The following KCNE3 variants were observed in gnomAD, a reference collection of about 807,000 sequenced individuals.
KCNE3 encodes potassium voltage-gated channel subfamily E regulatory subunit 3.
KCNE3 carries 2 observed loss-of-function variants against 4.3 expected under a neutral mutation model. That is an observed-to-expected ratio of 0.47 (90% confidence interval 0.19 to 1.48). The LOEUF (loss-of-function observed/expected upper bound fraction) is 1.48, where lower values mean the gene tolerates loss of function less well. Ranked by LOEUF, KCNE3 falls within the 40% of genes most tolerant of loss-of-function variation. KCNE3 has a pLI of 0.25. For missense variants in KCNE3, 128 were observed against 136.8 expected (o/e 0.94, Z 0.32); for synonymous variants, 47 against 52.0 (o/e 0.90, Z 0.41).
At chr11:74,460,638 C>G (rs58116543) in intron 2 of KCNE3, among the ~76,000 whole-genome samples, 2,346 of 152,198 alleles carry the variant, frequency 0.015, 60 homozygotes, top group African/African-American at 0.054. Context: ...TGGAAAGTAG[C>G]ATAAAGAGGT....
chr11:74,459,327 T>A (rs2135008383), intron 2 of KCNE3, among the ~76,000 whole-genome samples: 1 of 136,082 alleles, frequency 7.3e-6, no homozygotes, highest in Admixed American at 8.6e-5. Flanking sequence ...AGTGGCGCAA[T>A]CTCGGCTCAC....
chr11:74,455,187 G>A lies in KCNE3; in HGVS notation c.*2065C>T, dbSNP rs1863781850. The A allele has an allele frequency of 6.6e-6, 1 of 152,070 alleles. No homozygotes were observed. The highest frequency in any genetic ancestry group is 1.5e-5 in the Non-Finnish European group (1 of 68,030). The allele number at this position is 152,070 out of a possible 1,614,324, so 9.4% of individuals were successfully genotyped here. On this transcript the variant is annotated 3_prime_UTR_variant, in exon 3 of 3. Coordinates refer to ENST00000310128, the MANE Select transcript of KCNE3 (RefSeq NM_005472.5). ...CAAATATTACATAAATTTATCATGC[G>A]GAAAGGGAAAATCACCTATAACCCA...
rs1261508948 is a variant in KCNE3 at position 74,467,203 on chromosome 11, A to T, written c.-190+195T>A. The stretch of plus-strand genomic sequence containing the variant: ...CCCTACTCCCACATGCTGCTCCACG[A>T]TCACTGCGCTCGGGAGGATCGGGGA... On this transcript the variant is annotated intron_variant, in intron 1 of 2. Coordinates refer to ENST00000310128, the MANE Select transcript of KCNE3 (RefSeq NM_005472.5). This position sits in a 1 kb window ranked among gnomAD's most constrained non-coding sequence, Gnocchi z 4.4. Among the ~76,000 whole-genome samples, 1 of 151,350 alleles carries T rather than the reference A, an allele frequency of 6.6e-6. No individual in the cohort carries two copies. The highest frequency in any genetic ancestry group is 1.5e-5 in the Non-Finnish European group (1 of 67,996).
At chr11:74,464,822 C>T (rs2135019653) in intron 1 of KCNE3, among the ~76,000 whole-genome samples, 2 of 152,372 alleles carry the variant, frequency 1.3e-5, no homozygotes, top group East Asian at 3.9e-4. Context: ...GTGGCCTGCA[C>T]CCATGACACT....
intron 2 of KCNE3, among the ~76,000 whole-genome samples, chr11:74,459,871 G>A (rs912216927): frequency 6.6e-6 from 1 of 152,170 alleles, no homozygotes; most frequent in African/African-American, 2.4e-5. Context: ...GCACTACCTT[G>A]AGACTGGCTG....
Position 74,455,359 on chromosome 11 carries a change from G to A in KCNE3, c.*1893C>T, listed in dbSNP as rs1160279629. The A allele has an allele frequency of 1.3e-5, 2 of 152,312 alleles. No individual in the cohort carries two copies. Among genetic ancestry groups the A allele is most frequent in the East Asian group, 1.9e-4 (1 of 5,182 alleles). The allele number at this position is 152,312 out of a possible 1,614,324, so 9.4% of individuals were successfully genotyped here. A position where few individuals can be genotyped will look rare whatever the true frequency, so the allele number is the denominator to read the frequency against. ...CAGAACAGTGGATGGTTCTAGCTGA[G>A]ATCTGGGATAGTTTCTGAATTCAGA... is the stretch of plus-strand genomic sequence containing the variant. On this transcript the variant is annotated 3_prime_UTR_variant, in exon 3 of 3. Transcript: ENST00000310128.
rs1343338331 is a variant in KCNE3, at chr11:74,455,731, T to C, written c.*1521A>G. 1 of 121,818 alleles carries C rather than the reference T, an allele frequency of 8.2e-6. No homozygotes were observed. The highest frequency in any genetic ancestry group is 1.6e-5 in the Non-Finnish European group (1 of 63,758). 7.5% of individuals were successfully genotyped at this position (121,818 alleles called of 1,614,324 possible). A position where few individuals can be genotyped will look rare whatever the true frequency, so the allele number is the denominator to read the frequency against. On this transcript the variant is annotated 3_prime_UTR_variant, in exon 3 of 3. Transcript: ENST00000310128. ...GCGATATCAGTCTTTTTTGTTTTTG[T>C]TTTTGTTTTTTTTTGAGACAGAGCC...
rs1863848759 is a variant in KCNE3, at chr11:74,457,469, CG to C, written c.94del (p.Arg32GlyfsTer39). 1.2e-6 allele frequency: 2 copies of C among 1,614,022 alleles called. No homozygotes were observed. Among genetic ancestry groups the C allele is most frequent in the South Asian group, 2.2e-5 (2 of 91,092 alleles). On this transcript the variant is annotated frameshift_variant, in exon 3 of 3. Coordinates refer to ENST00000310128, the MANE Select transcript of KCNE3 (RefSeq NM_005472.5). LOFTEE classifies it high-confidence loss of function. ...GTCTGGCCCCAGCCCTGGCCCTGGC[CG>C]GCAGAGCAAATTGCTGTGAAGAGTG... Reference protein sequence around the residue: ...NATLHSNLLCRPGPGLGPDNQ... With the variant: ...NATLHSNLLCXPGPGLGPDNQ...
rs973100436 is a variant in KCNE3 at position 74,454,920 on chromosome 11, C to T, written c.*2332G>A. On this transcript the variant is annotated 3_prime_UTR_variant, in exon 3 of 3. Coordinates refer to ENST00000310128, the MANE Select transcript of KCNE3 (RefSeq NM_005472.5). ...CCACGTAAATTTCTGAATCTGTTGT[C>T]TTCCCATATGTCACATCTCCTTAAG... The T allele has an allele frequency of 6.6e-6, 1 of 152,128 alleles. No individual in the cohort carries two copies. Among genetic ancestry groups the T allele is most frequent in the Non-Finnish European group, 1.5e-5 (1 of 68,034 alleles). The allele number at this position is 152,128 out of a possible 1,614,324, so 9.4% of individuals were successfully genotyped here. A position where few individuals can be genotyped will look rare whatever the true frequency, so the allele number is the denominator to read the frequency against.
rs1864087755 is a variant in KCNE3 at position 74,467,488 on chromosome 11, A to C, written c.-280T>G. The C allele has an allele frequency of 6.5e-6, 1 of 152,690 alleles. No individual in the cohort carries two copies. The highest frequency in any genetic ancestry group is 6.5e-5 in the Admixed American group (1 of 15,286). The allele number at this position is 152,690 out of a possible 1,614,324, so 9.5% of individuals were successfully genotyped here. Reference sequence around the variant, plus strand: ...TGGCCCAAGCGCTGCGACCCTGTGCATTCCACCAGCCCCGTTCCACTCCGC... The same window carrying C: ...TGGCCCAAGCGCTGCGACCCTGTGCCTTCCACCAGCCCCGTTCCACTCCGC... On this transcript the variant is annotated 5_prime_UTR_variant, in exon 1 of 3. An upstream start codon of the reference 5' UTR is lost. Coordinates refer to ENST00000310128, the MANE Select transcript of KCNE3 (RefSeq NM_005472.5). The surrounding 1 kb of genome is among the most constrained non-coding windows in gnomAD (Gnocchi z 4.4).
At chr11:74,463,276 C>T (rs1432215905) in intron 1 of KCNE3, among the ~76,000 whole-genome samples, 3 of 152,120 alleles carry the variant, frequency 2.0e-5, no homozygotes, top group Admixed American at 1.3e-4. Flanking sequence ...TCTGAATAGA[C>T]TAGGATGTTT....
chr11:74,459,606 T>C (rs552453502), intron 2 of KCNE3, among the ~76,000 whole-genome samples: 1 of 152,118 alleles, frequency 6.6e-6, no homozygotes, highest in South Asian at 2.1e-4. Context: ...CATATGTAAT[T>C]CCCTATAAAC....
At chr11:74,461,292 T>TTGTGTG (rs4018948) in intron 2 of KCNE3, among the ~76,000 whole-genome samples, 1,959 of 148,448 alleles carry the variant, frequency 0.013, 40 homozygotes, top group African/African-American at 0.046. Context: ...TTTTTATGTT[T>TTGTGTG]TGTGTGTGTG....
chr11:74,459,912 C>G (rs1428516858), intron 2 of KCNE3, among the ~76,000 whole-genome samples: 3 of 152,132 alleles, frequency 2.0e-5, no homozygotes, highest in Non-Finnish European at 2.9e-5. Flanking sequence ...TGGCTGGGTG[C>G]TCTCCTTCTC....
At position 74,455,470 on chromosome 11, in the gene KCNE3, G is replaced by A. The variant is rs2134998075; in HGVS notation, c.*1782C>T. On this transcript the variant is annotated 3_prime_UTR_variant, in exon 3 of 3. Coordinates refer to ENST00000310128, the MANE Select transcript of KCNE3 (RefSeq NM_005472.5). ...GCTGTTTCTAACCTACAAACACAGT[G>A]ATTACATATGGCTCAACTTAATGTA... 6.6e-6 allele frequency: 1 copy of A among 152,296 alleles called. No individual in the cohort carries two copies. Among genetic ancestry groups the A allele is most frequent in the South Asian group, 2.1e-4 (1 of 4,822 alleles). The allele number at this position is 152,296 out of a possible 1,614,324, so 9.4% of individuals were successfully genotyped here.
chr11:74,461,808 C>G (rs557533265), intron 2 of KCNE3, 147 bp downstream of exon 2: 1 of 151,218 alleles, frequency 6.6e-6, no homozygotes, highest in Non-Finnish European at 1.5e-5. Flanking sequence ...AGAATGGACG[C>G]AGCACATACA....
rs603093 is a variant in KCNE3, at chr11:74,467,162, C to A, written c.-190+236G>T. On this transcript the variant is annotated intron_variant, in intron 1 of 2. Transcript: ENST00000310128. This position sits in a 1 kb window ranked among gnomAD's most constrained non-coding sequence, Gnocchi z 4.4. ...AAGTCCCCACGGTTTCCAGACGGGGCGCGCAGAGCCCAGCTCCCTACTCCC... is the reference window on the plus strand; with the variant it reads ...AAGTCCCCACGGTTTCCAGACGGGGAGCGCAGAGCCCAGCTCCCTACTCCC... 0.68 allele frequency among the ~76,000 whole-genome samples: 104,051 copies of A among 151,974 alleles called. 37,267 individuals are homozygous for A. The highest frequency in any genetic ancestry group is 0.82 in the East Asian group (4,238 of 5,142).
chr11:74,462,923 T>TGA (rs1425079612), intron 1 of KCNE3: 2 of 152,216 alleles, frequency 1.3e-5, no homozygotes, highest in East Asian at 3.8e-4. Context: ...AACCATGCTG[T>TGA]GAGACCATGG....
Position 74,467,500 on chromosome 11 carries a change from C to G in KCNE3, c.-292G>C, listed in dbSNP as rs1208458577. ...TGCGACCCTGTGCATTCCACCAGCC[C>G]CGTTCCACTCCGCGGGTGCCCAGCA... On this transcript the variant is annotated 5_prime_UTR_variant, in exon 1 of 3. Coordinates refer to ENST00000310128, the MANE Select transcript of KCNE3 (RefSeq NM_005472.5). This position sits in a 1 kb window ranked among gnomAD's most constrained non-coding sequence, Gnocchi z 4.4. The G allele has an allele frequency of 6.5e-6, 1 of 152,772 alleles. No individual in the cohort carries two copies. Among genetic ancestry groups the G allele is most frequent in the Non-Finnish European group, 1.5e-5 (1 of 68,144 alleles). The allele number at this position is 152,772 out of a possible 1,614,324, so 9.5% of individuals were successfully genotyped here.
Sources: allele counts gnomAD v4.1 joint callset (sites outside exome capture counted in the v4.1 genomes callset), GRCh38; gene constraint gnomAD v4.1.1; non-coding constraint Gnocchi (gnomAD v3.1); transcripts MANE v1.5; gene names NCBI Gene and HGNC (gene_info 2026-07-23, HGNC 2026-07-21).